STK32B: variants seen among roughly 807,000 people sequenced by gnomAD.
STK32B encodes the protein serine/threonine-protein kinase 32B.
In STK32B, 43 loss-of-function variants were observed where a neutral mutation model predicts 52.6. The observed-to-expected ratio is 0.82, with a 90% CI of 0.64 to 1.05. The LOEUF (loss-of-function observed/expected upper bound fraction) is 1.05. Ranked by LOEUF, STK32B falls within the 50% of genes least tolerant of loss-of-function variation. STK32B has a pLI of 0.00. For missense variants in STK32B, 621 were observed against 534.6 expected (o/e 1.16, Z -1.59); for synonymous variants, 238 against 204.3 (o/e 1.17, Z -1.41).
intron 1 of STK32B, among the ~76,000 whole-genome samples, chr4:5,105,951 A>G (rs1229717715): frequency 6.6e-6 from 1 of 152,162 alleles, no homozygotes; most frequent in Non-Finnish European, 1.5e-5. Flanking sequence ...TATCACAAAT[A>G]ACAGAAGTAT....
At chr4:5,056,826 A>G (rs1742026078) in intron 1 of STK32B, among the ~76,000 whole-genome samples, 1 of 152,222 alleles carries the variant, frequency 6.6e-6, no homozygotes, top group Non-Finnish European at 1.5e-5. Context: ...GGCATTTGGA[A>G]TAAGGATCTA....
intron 3 of STK32B, among the ~76,000 whole-genome samples, chr4:5,178,803 G>A (rs1250427773): frequency 6.6e-6 from 1 of 152,104 alleles, no homozygotes; most frequent in African/African-American, 2.4e-5. Flanking sequence ...ACATCAGCCT[G>A]GACTTAATTG....
chr4:5,051,603 G>C lies in STK32B; in HGVS notation c.-261G>C. Reference sequence around the variant, plus strand: ...GGTTCCCGGGCGGGCACTGGAGTAAGGAGCTGCGAGCGCAGCCCGAGGCGG... The same window carrying C: ...GGTTCCCGGGCGGGCACTGGAGTAACGAGCTGCGAGCGCAGCCCGAGGCGG... On this transcript the variant is annotated 5_prime_UTR_variant, in exon 1 of 12. Coordinates refer to ENST00000282908, the MANE Select transcript of STK32B (RefSeq NM_018401.3). 2.0e-6 allele frequency: 1 copy of C among 489,480 alleles called. No homozygotes were observed. The highest frequency in any genetic ancestry group is 2.9e-5 in the South Asian group (1 of 34,252). The allele number at this position is 489,480 out of a possible 1,614,324, so 30.3% of individuals were successfully genotyped here. A position where few individuals can be genotyped will look rare whatever the true frequency, so the allele number is the denominator to read the frequency against.
At chr4:5,202,293 C>G (rs1345681934) in intron 3 of STK32B, among the ~76,000 whole-genome samples, 1 of 152,248 alleles carries the variant, frequency 6.6e-6, no homozygotes, top group Non-Finnish European at 1.5e-5. Context: ...CATGCTGTTA[C>G]AAAGGTTGGG....
At chr4:5,305,602 T>C (rs1729874611) in intron 3 of STK32B, among the ~76,000 whole-genome samples, 1 of 152,100 alleles carries the variant, frequency 6.6e-6, no homozygotes, top group Non-Finnish European at 1.5e-5. Context: ...TTTTCGTGGT[T>C]AACCATACTA....
chr4:5,250,788 T>C (rs578219256), intron 3 of STK32B, among the ~76,000 whole-genome samples: 1 of 152,294 alleles, frequency 6.6e-6, no homozygotes, highest in East Asian at 1.9e-4. Context: ...CTCATTGTGG[T>C]TTTCTTTTGC....
chr4:5,319,161 T>C (rs958402854), intron 3 of STK32B, among the ~76,000 whole-genome samples: 2 of 152,166 alleles, frequency 1.3e-5, no homozygotes, highest in Admixed American at 6.5e-5. Flanking sequence ...TCCAGTCCCT[T>C]GACTCATAAT....
chr4:5,385,368 G>T (rs897778700), intron 4 of STK32B, among the ~76,000 whole-genome samples: 2 of 151,768 alleles, frequency 1.3e-5, no homozygotes, highest in Non-Finnish European at 2.9e-5. Flanking sequence ...GACAAGAGTG[G>T]CTTCGAAGCC....
chr4:5,398,109 C>G lies in STK32B; in HGVS notation c.435-98C>G. 7.2e-7 allele frequency: 1 copy of G among 1,382,266 alleles called. No homozygotes were observed. 85.6% of individuals were successfully genotyped at this position (1,382,266 alleles called of 1,614,324 possible). ...CTTCAGGTCAGGGAGAGGTGAGCAG[C>G]CTGGGTGTTCCAGCATTTGTCCTGA... On this transcript the variant is annotated intron_variant, in intron 4 of 11. Transcript: ENST00000282908. The surrounding 1 kb of genome is among the most constrained non-coding windows in gnomAD (Gnocchi z 4.9).
chr4:5,109,367 A>G (rs1388265144), intron 1 of STK32B, among the ~76,000 whole-genome samples: 1 of 152,246 alleles, frequency 6.6e-6, no homozygotes, highest in Non-Finnish European at 1.5e-5. Context: ...ACATGGACGA[A>G]TGCTCTTGCT....
At chr4:5,255,587 C>T (rs1203543053) in intron 3 of STK32B, among the ~76,000 whole-genome samples, 2 of 152,004 alleles carry the variant, frequency 1.3e-5, no homozygotes, top group Non-Finnish European at 2.9e-5. Context: ...AGTCAATGCC[C>T]CACCAAGAGG....
intron 5 of STK32B, among the ~76,000 whole-genome samples, chr4:5,402,779 C>T (rs115508407): frequency 7.0e-4 from 106 of 152,278 alleles, no homozygotes; most frequent in African/African-American, 2.3e-3. Flanking sequence ...GATGATGACC[C>T]GTTGGGGTCA....
chr4:5,284,794 A>G (rs937420435), intron 3 of STK32B, among the ~76,000 whole-genome samples: 3 of 152,170 alleles, frequency 2.0e-5, no homozygotes, highest in Non-Finnish European at 4.4e-5. Flanking sequence ...ATTGCGTATC[A>G]CAGAAAAAGT....
intron 2 of STK32B, among the ~76,000 whole-genome samples, chr4:5,167,690 G>A (rs1007268935): frequency 2.6e-5 from 4 of 152,236 alleles, no homozygotes; most frequent in East Asian, 1.9e-4. Flanking sequence ...CCCAGGTGAC[G>A]GGCAAGGGAG....
At chr4:5,170,302 T>C (rs957629397) in intron 3 of STK32B, among the ~76,000 whole-genome samples, 1 of 148,014 alleles carries the variant, frequency 6.8e-6, no homozygotes, top group African/African-American at 2.7e-5. Flanking sequence ...CCTTTTTTTA[T>C]TTTTATTTTT....
chr4:5,186,800 A>C (rs1407944440), intron 3 of STK32B, among the ~76,000 whole-genome samples: 3 of 152,194 alleles, frequency 2.0e-5, no homozygotes, highest in Admixed American at 2.0e-4. Flanking sequence ...TCCCTCTCTC[A>C]TTCTTGACTG....
intron 1 of STK32B, among the ~76,000 whole-genome samples, chr4:5,092,989 CCACATATGGTTGATCCTTGAACAA>C (rs1286551256): frequency 6.6e-6 from 1 of 152,026 alleles, no homozygotes; most frequent in Non-Finnish European, 1.5e-5. Context: ...TGAACAAACA[CCACATATGGTTGATCCTTGAACAA>C]CATGGATTTG....
intron 3 of STK32B, among the ~76,000 whole-genome samples, chr4:5,225,367 A>G (rs900805699): frequency 6.6e-6 from 1 of 152,180 alleles, no homozygotes; most frequent in African/African-American, 2.4e-5. Context: ...AGATCACGCC[A>G]TTGCACTCCA....
chr4:5,116,293 G>A (rs1222865352), intron 1 of STK32B, among the ~76,000 whole-genome samples: 3 of 152,020 alleles, frequency 2.0e-5, no homozygotes, highest in Admixed American at 2.0e-4. Context: ...TACTTAGAAG[G>A]GCCCCGTGCT....
Sources: allele counts gnomAD v4.1 joint callset (sites outside exome capture counted in the v4.1 genomes callset), GRCh38; gene constraint gnomAD v4.1.1; non-coding constraint Gnocchi (gnomAD v3.1); transcripts MANE v1.5; gene names NCBI Gene and HGNC (gene_info 2026-07-23, HGNC 2026-07-21).